ITSN2: variants seen among roughly 807,000 people sequenced by gnomAD.
The protein encoded by ITSN2 is intersectin-2.
Under a neutral mutation model 243.7 loss-of-function variants are expected in ITSN2, and 156 were observed. The ratio of observed to expected loss-of-function variants is 0.64; its 90% CI spans 0.56 to 0.73. The LOEUF (loss-of-function observed/expected upper bound fraction) is 0.73, where lower values mean the gene tolerates loss of function less well. ITSN2 is among the 30% of genes least tolerant of loss of function. ITSN2 has a pLI of 0.00. For missense variants in ITSN2, 1,801 were observed against 1,996.1 expected (o/e 0.90, Z 1.86); for synonymous variants, 703 against 699.9 (o/e 1.00, Z -0.07).
At chr2:24,210,296 G>C in intron 34 of ITSN2, 1 of 470,844 alleles carries the variant, frequency 2.1e-6, no homozygotes. Flanking sequence ...AAATCCCAGT[G>C]TTCTCTCCTT....
intron 1 of ITSN2, among the ~76,000 whole-genome samples, chr2:24,347,737 T>A (rs1687676713): frequency 1.3e-5 from 2 of 150,922 alleles, no homozygotes; most frequent in East Asian, 1.9e-4. Context: ...CTTTTTTTTT[T>A]AATCTTACAT....
chr2:24,286,710 C>G (rs1679551653), intron 15 of ITSN2, among the ~76,000 whole-genome samples: 5 of 152,146 alleles, frequency 3.3e-5, no homozygotes, highest in Admixed American at 1.3e-4. Flanking sequence ...ATTGTACACT[C>G]TGGTCCACAG....
rs1439767217 is a variant in ITSN2, at chr2:24,208,321, T to C, written c.4596-2A>G. The stretch of plus-strand genomic sequence containing the variant: ...TTGATCTTCTGCACCCAGGCGGTCC[T>C]ACGGGAGAAGCAGGGGCAGCCGTTG... On this transcript the variant is annotated splice_acceptor_variant, in intron 36 of 39. Coordinates refer to ENST00000355123, the MANE Select transcript of ITSN2 (RefSeq NM_006277.3). LOFTEE classifies it high-confidence loss of function. 1 of 1,611,372 alleles carries C rather than the reference T, an allele frequency of 6.2e-7. No homozygotes were observed. Among genetic ancestry groups the C allele is most frequent in the South Asian group, 1.1e-5 (1 of 91,058 alleles).
At chr2:24,331,444 T>C (rs891116264) in intron 1 of ITSN2, among the ~76,000 whole-genome samples, 5 of 151,986 alleles carry the variant, frequency 3.3e-5, no homozygotes, top group African/African-American at 1.2e-4. Context: ...GGAAGGGCCA[T>C]ATGTCACTAA....
chr2:24,293,616 A>G (rs574074477), intron 15 of ITSN2, 72 bp downstream of exon 15: 17 of 597,112 alleles, frequency 2.8e-5, no homozygotes, highest in Non-Finnish European at 4.2e-5. Context: ...TTAATTTTAA[A>G]AAAGTAACAA....
In ITSN2 at chr2:24,310,703, A is replaced by G; in HGVS notation, c.353-11T>C. 6.2e-7 allele frequency: 1 copy of G among 1,611,738 alleles called. No individual in the cohort carries two copies. Among genetic ancestry groups the G allele is most frequent in the African/African-American group, 1.3e-5 (1 of 74,960 alleles). On this transcript the variant is annotated splice_polypyrimidine_tract_variant and intron_variant, in intron 5 of 39. Transcript: ENST00000355123. ...GCATGCTTCCCATTCCTAAAGTCAA[A>G]AGAAAACATTTTTTCCAGTGCTAGA...
rs955987156 is a variant in ITSN2 at position 24,341,730 on chromosome 2, G to A, written c.-33-13615C>T. On this transcript the variant is annotated intron_variant, in intron 1 of 39. Transcript: ENST00000355123. Reference sequence around the variant, plus strand: ...GTCTCTATTAAAAATACAAAAATGCGCCGGGCATGGTGGTGAGTGCCTGTG... The same window carrying A: ...GTCTCTATTAAAAATACAAAAATGCACCGGGCATGGTGGTGAGTGCCTGTG... Among the ~76,000 whole-genome samples the A allele has an allele frequency of 7.2e-5, 11 of 152,154 alleles. No homozygotes were observed. In the South Asian group the frequency reaches 1.7e-3, roughly 23 times the overall value.
At chr2:24,267,776 C>G (rs940924990) in intron 20 of ITSN2, among the ~76,000 whole-genome samples, 1 of 152,138 alleles carries the variant, frequency 6.6e-6, no homozygotes. Flanking sequence ...AGGCTGGTCT[C>G]TAACGCCAGT....
chr2:24,305,315 C>A lies in ITSN2; in HGVS notation c.794-1453G>T, dbSNP rs571116256. Among the ~76,000 whole-genome samples, 6 of 152,106 alleles carry A rather than the reference C, an allele frequency of 3.9e-5. No homozygotes were observed. In the South Asian group the frequency reaches 1.0e-3, roughly 26 times the overall value. On this transcript the variant is annotated intron_variant, in intron 8 of 39. Transcript: ENST00000355123. The stretch of plus-strand genomic sequence containing the variant: ...GAGAAGTAAAAAAGGGAAAAACAGA[C>A]CAGTGGACAGGCGCGGTAGCTCACG...
intron 29 of ITSN2, among the ~76,000 whole-genome samples, chr2:24,232,340 A>C (rs1273524158): frequency 6.6e-6 from 1 of 152,240 alleles, no homozygotes; most frequent in African/African-American, 2.4e-5. Flanking sequence ...AACCAGATAA[A>C]GACAAATTTT....
chr2:24,359,448 T>A (rs546630036), intron 1 of ITSN2, among the ~76,000 whole-genome samples: 3 of 152,318 alleles, frequency 2.0e-5, no homozygotes, highest in East Asian at 1.9e-4. Context: ...GTTGGCTCCA[T>A]CAAAAAATAT....
At chr2:24,227,973 G>C (rs1472346448) in intron 29 of ITSN2, among the ~76,000 whole-genome samples, 1 of 152,152 alleles carries the variant, frequency 6.6e-6, no homozygotes, top group Non-Finnish European at 1.5e-5. Context: ...ACATCTGACA[G>C]GTAGTCCAGG....
At chr2:24,357,893 A>G (rs564418744) in intron 1 of ITSN2, among the ~76,000 whole-genome samples, 169 of 152,326 alleles carry the variant, frequency 1.1e-3, no homozygotes, top group Non-Finnish European at 2.0e-3. Flanking sequence ...CATATTTTTT[A>G]CTGAATGCCC....
At chr2:24,357,992 G>C (rs775388652) in intron 1 of ITSN2, among the ~76,000 whole-genome samples, 8 of 152,058 alleles carry the variant, frequency 5.3e-5, no homozygotes, top group Middle Eastern at 3.2e-3. Context: ...TCGGTTCACT[G>C]CAACCTCCGC....
Position 24,284,860 on chromosome 2 carries a change from A to AT in ITSN2, c.1864-18dup. The stretch of plus-strand genomic sequence containing the variant: ...ATTCCCACACTGTAAGATAAGGCAG[A>AT]TAAAAAGCCAATTAAACTACGTACA... On this transcript the variant is annotated splice_polypyrimidine_tract_variant and intron_variant, in intron 16 of 39. Coordinates refer to ENST00000355123, the MANE Select transcript of ITSN2 (RefSeq NM_006277.3). 1 of 1,409,092 alleles carries AT rather than the reference A, an allele frequency of 7.1e-7. No individual in the cohort carries two copies. Among genetic ancestry groups the AT allele is most frequent in the Non-Finnish European group, 9.9e-7 (1 of 1,011,808 alleles). The allele number at this position is 1,409,092 out of a possible 1,614,324, so 87.3% of individuals were successfully genotyped here. A position where few individuals can be genotyped will look rare whatever the true frequency, so the allele number is the denominator to read the frequency against.
chr2:24,295,748 T>C lies in ITSN2; in HGVS notation c.1551A>G (p.Gln517=). The C allele has an allele frequency of 1.9e-6, 3 of 1,566,330 alleles. No individual in the cohort carries two copies. Among genetic ancestry groups the C allele is most frequent in the Non-Finnish European group, 1.7e-6 (2 of 1,162,416 alleles). Residue 517 remains glutamine, a synonymous_variant, in exon 14 of 40, where the codon CAA becomes CAG. Coordinates refer to ENST00000355123, the MANE Select transcript of ITSN2 (RefSeq NM_006277.3). ...GRLQDVRLKK[Q]TQKTELEVLD... ...GAACTTCCAGCTCAGTCTTTTGAGT[T>C]TGCTTTTTGAGTCGGACATCCTGAA...
At chr2:24,330,691 A>C in intron 1 of ITSN2, 1 of 700,152 alleles carries the variant, frequency 1.4e-6, no homozygotes, top group South Asian at 1.4e-5. Context: ...TGTATTTTTT[A>C]TAACTGTGTA....
chr2:24,272,353 T>C (rs1465056226), intron 18 of ITSN2, among the ~76,000 whole-genome samples: 1 of 152,094 alleles, frequency 6.6e-6, no homozygotes, highest in Non-Finnish European at 1.5e-5. Context: ...CACTGTCCTA[T>C]CTAATCTTTG....
At chr2:24,260,985 G>A in intron 22 of ITSN2, 121 bp downstream of exon 22, 5 of 758,258 alleles carry the variant, frequency 6.6e-6, no homozygotes, top group South Asian at 2.4e-5. Flanking sequence ...GAATAAGAAA[G>A]AAACTGAATG....
Sources: allele counts gnomAD v4.1 joint callset (sites outside exome capture counted in the v4.1 genomes callset), GRCh38; gene constraint gnomAD v4.1.1; transcripts MANE v1.5; gene names NCBI Gene and HGNC (gene_info 2026-07-23, HGNC 2026-07-21).